KCNG1: variants seen among roughly 807,000 people sequenced by gnomAD.
The protein encoded by KCNG1 is potassium voltage-gated channel modifier subfamily G member 1.
A neutral mutation model predicts 32.4 loss-of-function variants in KCNG1; 17 were observed. That is an observed-to-expected ratio of 0.52 (90% CI 0.36 to 0.79). The LOEUF is 0.79. KCNG1 is among the 30% of genes least tolerant of loss of function. The pLI is 0.00. For synonymous variants in KCNG1, 358 were observed against 339.9 expected, an observed-to-expected ratio of 1.05 and a Z score of -0.59; for missense variants, 441 against 735.2, an observed-to-expected ratio of 0.60 and a Z score of 4.63.
At chr20:51,022,488 A>G in intron 1 of KCNG1, among the ~76,000 whole-genome samples, 1 of 152,146 alleles carries the variant, frequency 6.6e-6, no homozygotes, top group East Asian at 1.9e-4. Flanking sequence ...TGAGCAAGTG[A>G]CACACACTCC....
In KCNG1 at chr20:51,010,182, G is replaced by T. The variant is rs2123234230; in HGVS notation, c.157C>A (p.Arg53Ser). Residue 53 changes from arginine (R) to serine (S), a missense_variant, in exon 2 of 3, where the codon CGC becomes AGC. Arg to Ser is a moderately radical substitution (Grantham distance 110). Coordinates refer to ENST00000371571, the MANE Select transcript of KCNG1 (RefSeq NM_002237.4). Reference protein sequence around the residue: ...AQRLRPQDEPRQGCQPEDRRR... With the variant: ...AQRLRPQDEPSQGCQPEDRRR... ...CGGTCCTCGGGCTGACAGCCCTGGCGGGGCTCATCCTGCGGCCGCAGCCGC... is the reference window on the plus strand; with the variant it reads ...CGGTCCTCGGGCTGACAGCCCTGGCTGGGCTCATCCTGCGGCCGCAGCCGC... 1 of 1,603,606 alleles carries T rather than the reference G, an allele frequency of 6.2e-7. No homozygotes were observed. Among genetic ancestry groups the T allele is most frequent in the East Asian group, 2.2e-5 (1 of 44,712 alleles).
At chr20:51,011,058 G>A (rs1312017690) in intron 1 of KCNG1, among the ~76,000 whole-genome samples, 2 of 152,236 alleles carry the variant, frequency 1.3e-5, no homozygotes, top group African/African-American at 4.8e-5. Context: ...GCAGCCGGCA[G>A]AACTGGGAGA....
rs1275256275 is a variant in KCNG1, at chr20:51,010,114, C to T, written c.225G>A (p.Ser75=). 3 of 1,613,738 alleles carry T rather than the reference C, an allele frequency of 1.9e-6. No individual in the cohort carries two copies. The highest frequency in any genetic ancestry group is 1.3e-5 in the African/African-American group (1 of 74,948). Residue 75 remains serine (S), a synonymous_variant, in exon 2 of 3, where the codon TCG becomes TCA. Transcript: ENST00000371571. ...ACTCGTCCAGCGTGGTCCAGGGCAG[C>T]GAGTACTTGATGCCGCCTACGTTGA... ...IIINVGGIKY[S]LPWTTLDEFP...
chr20:51,021,836 C>T (rs1426617611), intron 1 of KCNG1, among the ~76,000 whole-genome samples: 2 of 152,162 alleles, frequency 1.3e-5, no homozygotes, highest in East Asian at 3.8e-4. Flanking sequence ...AATGTCGGAT[C>T]AGTGTTTCTC....
In KCNG1 at chr20:51,009,673, C is replaced by A; in HGVS notation, c.666G>T (p.Ser222=). 6.2e-7 allele frequency: 1 copy of A among 1,605,434 alleles called. No homozygotes were observed. Among genetic ancestry groups the A allele is most frequent in the Non-Finnish European group, 8.5e-7 (1 of 1,179,188 alleles). The change falls in exon 2 of 3, where the codon TCG becomes TCT. Residue 222 remains serine (S), a synonymous_variant. Transcript: ENST00000371571. ...RLRDMVERPH[S]GLPGKVFACL... is the part of the protein sequence containing the mutation. ...AGGCGAACACCTTGCCAGGCAGCCC[C>A]GAGTGCGGCCTCTCCACCATGTCGC...
rs148072055 is a variant in KCNG1, at chr20:51,008,630, G to T, written c.774+935C>A. ...TTATAGGTGTGAGCCACCACACCTGGCCTGATCTTATGATTTTTTTTAAAA... is the reference window on the plus strand; with the variant it reads ...TTATAGGTGTGAGCCACCACACCTGTCCTGATCTTATGATTTTTTTTAAAA... On this transcript the variant is annotated intron_variant, in intron 2 of 2. Coordinates refer to ENST00000371571, the MANE Select transcript of KCNG1 (RefSeq NM_002237.4). 8.4e-3 allele frequency among the ~76,000 whole-genome samples: 1,116 copies of T among 132,162 alleles called. 20 individuals are homozygous for T. The highest frequency in any genetic ancestry group is 0.028 in the African/African-American group (1,043 of 36,960). The allele number at this position is 132,162 out of a possible 152,430, so 86.7% of individuals were successfully genotyped here.
intron 2 of KCNG1, chr20:51,008,064 C>T (rs899575343): frequency 6.6e-6 from 1 of 152,178 alleles, no homozygotes; most frequent in Non-Finnish European, 1.5e-5. Context: ...ATGATATTTA[C>T]GTTCAGTTCA....
rs999193834 is a variant in KCNG1, at chr20:51,004,780, G to A, written c.801C>T (p.Asn267=). The change falls in exon 3 of 3, where the codon AAC becomes AAT. Residue 267 remains asparagine (N), a synonymous_variant. Transcript: ENST00000371571. This position sits in a 1 kb window ranked among gnomAD's most constrained non-coding sequence, Gnocchi z 4.3. ...EQGHCSQMCH[N]VFIVESVCVG... ...CGCACACCGACTCCACGATGAAGAC[G>A]TTGTGGCACATCTGGGAACAGTGGC... 4.4e-6 allele frequency: 7 copies of A among 1,579,508 alleles called. No homozygotes were observed. The highest frequency in any genetic ancestry group is 1.7e-4 in the Middle Eastern group (1 of 6,004).
At chr20:51,009,483 G>A in intron 2 of KCNG1, 82 bp downstream of exon 2, 2 of 1,433,982 alleles carry the variant, frequency 1.4e-6, no homozygotes, top group Non-Finnish European at 1.9e-6. Flanking sequence ...TGCAATCAGA[G>A]GAGGCTTTCT....
intron 1 of KCNG1, among the ~76,000 whole-genome samples, chr20:51,019,541 A>C (rs921507834): frequency 1.3e-5 from 2 of 152,062 alleles, no homozygotes; most frequent in African/African-American, 4.8e-5. Flanking sequence ...TAATAAATTT[A>C]TATTGCTTTA....
intron 2 of KCNG1, chr20:51,007,805 C>T (rs1254027788): frequency 6.6e-6 from 1 of 152,062 alleles, no homozygotes. Context: ...GAAGCCAGGA[C>T]TTTGAGGCCA....
At position 51,005,082 on chromosome 20, in the gene KCNG1, T is replaced by C; in HGVS notation, c.775-276A>G. 1 of 361,122 alleles carries C rather than the reference T, an allele frequency of 2.8e-6. No individual in the cohort carries two copies. Among genetic ancestry groups the C allele is most frequent in the East Asian group, 4.7e-5 (1 of 21,336 alleles). 22.4% of individuals were successfully genotyped at this position (361,122 alleles called of 1,614,324 possible). A position where few individuals can be genotyped will look rare whatever the true frequency, so the allele number is the denominator to read the frequency against. On this transcript the variant is annotated intron_variant, in intron 2 of 2. Coordinates refer to ENST00000371571, the MANE Select transcript of KCNG1 (RefSeq NM_002237.4). The surrounding 1 kb of genome is among the most constrained non-coding windows in gnomAD (Gnocchi z 4.0). ...TGCCTCCCTGACGCTCCCACCTGGGTGTCTGAGGGGCATCTCGAACTCACC... is the reference window on the plus strand; with the variant it reads ...TGCCTCCCTGACGCTCCCACCTGGGCGTCTGAGGGGCATCTCGAACTCACC...
rs1189614861 is a variant in KCNG1 at position 51,004,129 on chromosome 20, G to A, written c.1452C>T (p.Phe484=). The A allele has an allele frequency of 1.2e-6, 2 of 1,614,206 alleles. No homozygotes were observed. The highest frequency in any genetic ancestry group is 1.6e-4 in the Middle Eastern group (1 of 6,062). The part of the protein sequence containing the change: ...QERVMFRRAQ[F]LIKTKSQLSV... ...TCAGCTGCGACTTGGTTTTGATGAG[G>A]AACTGCGCCCTCCGGAACATCACCC... The change falls in exon 3 of 3, where the codon TTC becomes TTT. Residue 484 remains phenylalanine (F), a synonymous_variant. Transcript: ENST00000371571. This position sits in a 1 kb window ranked among gnomAD's most constrained non-coding sequence, Gnocchi z 4.3.
At chr20:51,016,894 G>A (rs974270644) in intron 1 of KCNG1, among the ~76,000 whole-genome samples, 18 of 152,150 alleles carry the variant, frequency 1.2e-4, no homozygotes, top group African/African-American at 1.9e-4. Context: ...GAGGGTATGC[G>A]GGCTGGCCTA....
chr20:51,008,501 A>AT (rs35145288), intron 2 of KCNG1, among the ~76,000 whole-genome samples: 114,130 of 149,978 alleles, frequency 0.76, 44,328 homozygotes, highest in Middle Eastern at 0.85. Context: ...GGCTAATTAA[A>AT]TTTTTTTTTT....
rs867894751 is a variant in KCNG1 at position 51,010,072 on chromosome 20, C to T, written c.267G>A (p.Leu89=). 6.2e-7 allele frequency: 1 copy of T among 1,614,110 alleles called. No individual in the cohort carries two copies. Among genetic ancestry groups the T allele is most frequent in the Non-Finnish European group, 8.5e-7 (1 of 1,180,008 alleles). The part of the protein sequence containing the change: ...TTLDEFPLTR[L]GQLKACTNFD... ...AGTTGGTGCAGGCCTTGAGCTGGCC[C>T]AGGCGCGTCAGCGGGAACTCGTCCA... Residue 89 remains leucine (L), a synonymous_variant, in exon 2 of 3, where the codon CTG becomes CTA. Coordinates refer to ENST00000371571, the MANE Select transcript of KCNG1 (RefSeq NM_002237.4).
Position 51,003,854 on chromosome 20 carries a change from C to G in KCNG1, c.*185G>C, listed in dbSNP as rs1054965780. 1.6e-6 allele frequency: 1 copy of G among 639,458 alleles called. No homozygotes were observed. The highest frequency in any genetic ancestry group is 2.6e-6 in the Non-Finnish European group (1 of 380,300). 39.6% of individuals were successfully genotyped at this position (639,458 alleles called of 1,614,324 possible). On this transcript the variant is annotated 3_prime_UTR_variant, in exon 3 of 3. Coordinates refer to ENST00000371571, the MANE Select transcript of KCNG1 (RefSeq NM_002237.4). ...CGGCTGCAGGCGGAGGGGCAGGGCC[C>G]CTCTGCTGATGTTCTAGTGTTCTTC... is the stretch of plus-strand genomic sequence containing the variant.
chr20:51,012,193 A>G (rs916185942), intron 1 of KCNG1, among the ~76,000 whole-genome samples: 42 of 152,258 alleles, frequency 2.8e-4, no homozygotes, highest in African/African-American at 9.2e-4. Flanking sequence ...GAAATGCACA[A>G]CTATGAAAGC....
At position 51,010,304 on chromosome 20, in the gene KCNG1, T is replaced by TC; in HGVS notation, c.34dup (p.Asp12GlyfsTer40). 2.0e-6 allele frequency: 3 copies of TC among 1,508,202 alleles called. No individual in the cohort carries two copies. Among genetic ancestry groups the TC allele is most frequent in the Non-Finnish European group, 2.6e-6 (3 of 1,137,954 alleles). 93.4% of individuals were successfully genotyped at this position (1,508,202 alleles called of 1,614,324 possible). On this transcript the variant is annotated frameshift_variant, in exon 2 of 3. Transcript: ENST00000371571. LOFTEE classifies it high-confidence loss of function. ...CGAGGTGCAGCTCAGCGCGCTGTAG[T>TC]CGTAGTCAGAATTGTCTCCCGGTAA... is the stretch of plus-strand genomic sequence containing the variant.
Sources: allele counts gnomAD v4.1 joint callset (sites outside exome capture counted in the v4.1 genomes callset), GRCh38; gene constraint gnomAD v4.1.1; non-coding constraint Gnocchi (gnomAD v3.1); transcripts MANE v1.5; gene names NCBI Gene and HGNC (gene_info 2026-07-23, HGNC 2026-07-21).